Variants in C8orf76 observed in about 807,000 individuals in gnomAD.
C8orf76 encodes chromosome 8 open reading frame 76, also known as uncharacterized protein C8orf76.
Under a neutral mutation model 38.1 loss-of-function variants are expected in C8orf76, and 46 were observed. The ratio of observed to expected loss-of-function variants is 1.21; its 90% CI spans 0.95 to 1.54. The LOEUF (loss-of-function observed/expected upper bound fraction) is 1.54, where lower values mean the gene tolerates loss of function less well. Ranked by LOEUF, C8orf76 falls within the 40% of genes most tolerant of loss-of-function variation. C8orf76 has a pLI of 0.00. For synonymous variants in C8orf76, 166 were observed against 167.5 expected (o/e 0.99, Z 0.07); for missense variants, 461 against 441.6 (o/e 1.04, Z -0.39).
At chr8:123,226,388 A>G in intron 5 of C8orf76, 112 bp downstream of exon 5, 1 of 1,519,772 alleles carries the variant, frequency 6.6e-7, no homozygotes, top group Non-Finnish European at 8.8e-7. Context: ...CAGAGGAGGG[A>G]GACAAGTCCT....
At chr8:123,235,810 T>G (rs1466759736) in intron 3 of C8orf76, among the ~76,000 whole-genome samples, 1 of 151,658 alleles carries the variant, frequency 6.6e-6, no homozygotes, top group Non-Finnish European at 1.5e-5. Flanking sequence ...CAGCTGCCAC[T>G]ACCTTCAACA....
At position 123,239,046 on chromosome 8, in the gene C8orf76, T is replaced by C. The variant is rs1314948329; in HGVS notation, c.213+3A>G. ...ACTTCAAGCACCATATGTTGAATTC[T>C]ACCTGATACTCTTGTCGTCTGTAGG... On this transcript the variant is annotated splice_donor_region_variant and intron_variant, in intron 2 of 5. Transcript: ENST00000276704. 5 of 1,614,044 alleles carry C rather than the reference T, an allele frequency of 3.1e-6. No homozygotes were observed. The East Asian group carries it at 6.7e-5, about 22-fold the overall frequency.
intron 5 of C8orf76, among the ~76,000 whole-genome samples, chr8:123,221,899 ACC>A (rs982902644): frequency 3.9e-5 from 6 of 151,910 alleles, no homozygotes; most frequent in African/African-American, 1.5e-4. Flanking sequence ...ATAGAGTGAG[ACC>A]CCACCTCCAA....
Position 123,241,216 on chromosome 8 carries a change from C to T in C8orf76, c.117+14G>A, listed in dbSNP as rs748790557. ...TGGGGCCCGGGATAAGGCGAAGAGG[C>T]CCCAGCTTCTCACCTGCGGCTCGCA... On this transcript the variant is annotated intron_variant, in intron 1 of 5. Coordinates refer to ENST00000276704, the MANE Select transcript of C8orf76 (RefSeq NM_032847.3). 3 of 1,581,194 alleles carry T rather than the reference C, an allele frequency of 1.9e-6. No individual in the cohort carries two copies. The South Asian group carries it at 3.4e-5, about 18-fold the overall frequency.
In C8orf76 at chr8:123,223,001, C is replaced by G. The variant is rs144595424; in HGVS notation, c.949-2704G>C. 3.9e-3 allele frequency among the ~76,000 whole-genome samples: 597 copies of G among 152,262 alleles called. 4 individuals are homozygous for G. The highest frequency in any genetic ancestry group is 0.014 in the African/African-American group (569 of 41,580). On this transcript the variant is annotated intron_variant, in intron 5 of 5. Coordinates refer to ENST00000276704, the MANE Select transcript of C8orf76 (RefSeq NM_032847.3). ...ATCCAGCGATTCTATTTCTAATAAT[C>G]TGTTCCAAAAGGTACAAAGGCACAT...
chr8:123,232,768 G>T lies in C8orf76; in HGVS notation c.358-1011C>A, dbSNP rs576175146. Among the ~76,000 whole-genome samples, 294 of 152,238 alleles carry T rather than the reference G, an allele frequency of 1.9e-3. 1 individual carries two copies. The highest frequency in any genetic ancestry group is 2.0e-3 in the African/African-American group (85 of 41,524). On this transcript the variant is annotated intron_variant, in intron 3 of 5. Transcript: ENST00000276704. ...CCTTCCCAAAGACAGAACACATCTC[G>T]TTTTATTGTTACTATTGTTCAGCAT...
chr8:123,224,875 AG>A (rs1276466930), intron 5 of C8orf76, among the ~76,000 whole-genome samples: 2 of 152,234 alleles, frequency 1.3e-5, no homozygotes, highest in Non-Finnish European at 2.9e-5. Flanking sequence ...TAGGGCCCAA[AG>A]AGCTATCTAT....
intron 3 of C8orf76, among the ~76,000 whole-genome samples, chr8:123,232,279 C>A (rs1563800283): frequency 6.6e-6 from 1 of 152,234 alleles, no homozygotes; most frequent in Admixed American, 6.5e-5. Flanking sequence ...TGCTTCATGA[C>A]GCATTCTAAT....
intron 5 of C8orf76, among the ~76,000 whole-genome samples, chr8:123,223,883 A>C (rs1419428731): frequency 1.3e-5 from 2 of 152,230 alleles, no homozygotes; most frequent in African/African-American, 4.8e-5. Context: ...GATTCCACTT[A>C]TTTGAAATAT....
chr8:123,238,128 A>G lies in C8orf76; in HGVS notation c.214-187T>C, dbSNP rs117881661. Reference sequence around the variant, plus strand: ...AGTGATATGGTTTAGCTGTGTCCCCACCCAAATCTCATCTTAAATTGCAGC... The same window carrying G: ...AGTGATATGGTTTAGCTGTGTCCCCGCCCAAATCTCATCTTAAATTGCAGC... On this transcript the variant is annotated intron_variant, in intron 2 of 5. Coordinates refer to ENST00000276704, the MANE Select transcript of C8orf76 (RefSeq NM_032847.3). Among the ~76,000 whole-genome samples, 299 of 152,266 alleles carry G rather than the reference A, an allele frequency of 2.0e-3. 10 individuals carry two copies. The East Asian group carries it at 0.054, about 27-fold the overall frequency.
intron 4 of C8orf76, among the ~76,000 whole-genome samples, chr8:123,228,203 CTTTTT>C (rs917145625): frequency 1.1e-4 from 17 of 152,038 alleles, no homozygotes; most frequent in Admixed American, 1.0e-3. Flanking sequence ...ACATCCATTT[CTTTTT>C]TTTATTACCA....
intron 1 of C8orf76, 61 bp downstream of exon 1, chr8:123,241,169 G>A: frequency 6.8e-7 from 1 of 1,473,258 alleles, no homozygotes; most frequent in Non-Finnish European, 9.0e-7. Context: ...GCCGGGGCCG[G>A]GGCCCCGCGG....
At chr8:123,237,046 G>A (rs922397436) in intron 3 of C8orf76, 2 of 1,343,684 alleles carry the variant, frequency 1.5e-6, no homozygotes, top group Non-Finnish European at 1.1e-6. Context: ...ACCTGGTGCT[G>A]CGCCTGCGAG....
At chr8:123,226,035 C>T (rs1469848281) in intron 5 of C8orf76, among the ~76,000 whole-genome samples, 1 of 152,154 alleles carries the variant, frequency 6.6e-6, no homozygotes, top group Non-Finnish European at 1.5e-5. Flanking sequence ...ATAAAATGGA[C>T]TTGCAGCTGG....
chr8:123,235,380 T>C (rs1399822063), intron 3 of C8orf76, among the ~76,000 whole-genome samples: 1 of 151,912 alleles, frequency 6.6e-6, no homozygotes, highest in African/African-American at 2.4e-5. Flanking sequence ...CTACAGAATG[T>C]GAAAAGACAG....
At chr8:123,226,122 C>T (rs555687067) in intron 5 of C8orf76, 10 of 1,040,974 alleles carry the variant, frequency 9.6e-6, no homozygotes, top group Non-Finnish European at 1.2e-5. Flanking sequence ...AGCCTCAATT[C>T]TAGCTCTACT....
intron 5 of C8orf76, among the ~76,000 whole-genome samples, chr8:123,224,442 C>T (rs1824971876): frequency 6.6e-6 from 1 of 151,970 alleles, no homozygotes; most frequent in Non-Finnish European, 1.5e-5. Context: ...CAAGACCCTG[C>T]CTCTACAAAA....
chr8:123,239,115 A>G lies in C8orf76; in HGVS notation c.147T>C (p.Asp49=). 3.1e-6 allele frequency: 5 copies of G among 1,614,180 alleles called. No individual in the cohort carries two copies. The highest frequency in any genetic ancestry group is 4.2e-6 in the Non-Finnish European group (5 of 1,180,012). Residue 49 remains aspartate, a synonymous_variant, in exon 2 of 6, where the codon GAT becomes GAC. Coordinates refer to ENST00000276704, the MANE Select transcript of C8orf76 (RefSeq NM_032847.3). ...QWFYEETESS[D]DVEVLTLKKF... Reference sequence around the variant, plus strand: ...TCTTGAGAGTCAGCACTTCAACATCATCACTGCTTTCTGTTTCTTCATAAA... The same window carrying G: ...TCTTGAGAGTCAGCACTTCAACATCGTCACTGCTTTCTGTTTCTTCATAAA...
At position 123,222,849 on chromosome 8, in the gene C8orf76, T is replaced by C. The variant is rs1824925197; in HGVS notation, c.949-2552A>G. 3.3e-5 allele frequency among the ~76,000 whole-genome samples: 5 copies of C among 152,346 alleles called. No homozygotes were observed. The South Asian group carries it at 8.3e-4, about 25-fold the overall frequency. Reference sequence around the variant, plus strand: ...ATTGATTTCACATGGTTCAATCTAATAGTCAGGATCAGGGTAGAAAAAACA... The same window carrying C: ...ATTGATTTCACATGGTTCAATCTAACAGTCAGGATCAGGGTAGAAAAAACA... On this transcript the variant is annotated intron_variant, in intron 5 of 5. Transcript: ENST00000276704.
Sources: gnomAD v4.1 joint callset for allele counts (sites outside exome capture counted in the v4.1 genomes callset) on GRCh38, gnomAD v4.1.1 for gene constraint, MANE v1.5 for transcripts, NCBI Gene and HGNC (gene_info 2026-07-23, HGNC 2026-07-21) for gene names.